Variants in MARCHF1 observed in about 807,000 individuals in gnomAD.
MARCHF1 encodes membrane associated ring-CH-type finger 1.
In MARCHF1, 40 loss-of-function variants were observed where a neutral mutation model predicts 54.2. That is an observed-to-expected ratio of 0.74 (90% CI 0.57 to 0.96). MARCHF1 has a LOEUF of 0.96. MARCHF1 is among the 40% of genes least tolerant of loss of function. The pLI is 0.00. For missense variants in MARCHF1, 586 were observed against 656.5 expected (o/e 0.89, Z 1.17); for synonymous variants, 236 against 236.3 (o/e 1.00, Z 0.01).
chr4:164,159,848 C>T (rs1730183296), intron 1 of MARCHF1, among the ~76,000 whole-genome samples: 1 of 152,116 alleles, frequency 6.6e-6, no homozygotes, highest in South Asian at 2.1e-4. Context: ...CTGCCTGACT[C>T]CAGTAAATGG....
intron 3 of MARCHF1, among the ~76,000 whole-genome samples, chr4:163,859,638 G>A (rs1406604712): frequency 2.0e-5 from 3 of 152,136 alleles, no homozygotes; most frequent in African/African-American, 7.2e-5. Context: ...TGGGATTATA[G>A]GCATAAGCCA....
chr4:163,877,382 AG>A (rs1489375474), intron 3 of MARCHF1, among the ~76,000 whole-genome samples: 1 of 151,638 alleles, frequency 6.6e-6, no homozygotes, highest in African/African-American at 2.4e-5. Context: ...TTAACTGAAG[AG>A]CTCTGAAAAA....
intron 2 of MARCHF1, among the ~76,000 whole-genome samples, chr4:164,025,427 CAAG>C (rs372567421): frequency 9.1e-4 from 138 of 152,098 alleles, no homozygotes; most frequent in African/African-American, 3.0e-3. Flanking sequence ...AAATTACTAT[CAAG>C]AAGGTCTCCC....
At chr4:164,049,083 T>C (rs1230777056) in intron 2 of MARCHF1, among the ~76,000 whole-genome samples, 1 of 152,212 alleles carries the variant, frequency 6.6e-6, no homozygotes, top group African/African-American at 2.4e-5. Context: ...AGATACTACC[T>C]GAGAATGTGC....
chr4:163,899,291 G>C (rs1352040343), intron 3 of MARCHF1, among the ~76,000 whole-genome samples: 1 of 151,960 alleles, frequency 6.6e-6, no homozygotes, highest in Non-Finnish European at 1.5e-5. Flanking sequence ...TCATTAAAAC[G>C]TCTTTTTCCA....
intron 4 of MARCHF1, among the ~76,000 whole-genome samples, chr4:163,805,121 GTTTGGAAA>G (rs1277873793): frequency 6.6e-6 from 1 of 152,032 alleles, no homozygotes; most frequent in Non-Finnish European, 1.5e-5. Flanking sequence ...AGAGTCAAGT[GTTTGGAAA>G]ACTATAAGCT....
At chr4:164,255,854 A>G (rs944131679) in intron 1 of MARCHF1, among the ~76,000 whole-genome samples, 1 of 152,168 alleles carries the variant, frequency 6.6e-6, no homozygotes, top group African/African-American at 2.4e-5. Context: ...CCAAATACCT[A>G]AAAAATGAGA....
chr4:163,829,970 T>C (rs1208763352), intron 4 of MARCHF1, among the ~76,000 whole-genome samples: 1 of 152,166 alleles, frequency 6.6e-6, no homozygotes. Context: ...GCCAGTCCAG[T>C]TTTTGGTTTA....
At chr4:163,827,276 G>C (rs1204002360) in intron 4 of MARCHF1, among the ~76,000 whole-genome samples, 1 of 151,858 alleles carries the variant, frequency 6.6e-6, no homozygotes, top group African/African-American at 2.4e-5. Flanking sequence ...CCAACATATT[G>C]ACTTTTTCTC....
intron 8 of MARCHF1, among the ~76,000 whole-genome samples, chr4:163,558,612 C>T (rs540596987): frequency 2.0e-5 from 3 of 152,286 alleles, no homozygotes; most frequent in Admixed American, 6.5e-5. Context: ...AGAAACAGGA[C>T]GATGAGCTGC....
intron 1 of MARCHF1, among the ~76,000 whole-genome samples, chr4:164,143,043 G>A (rs1283153670): frequency 2.0e-5 from 3 of 147,910 alleles, no homozygotes; most frequent in Non-Finnish European, 3.0e-5. Context: ...CTCAGGAGCT[G>A]ATGCGATCAA....
At chr4:164,159,168 T>A (rs1345733091) in intron 1 of MARCHF1, among the ~76,000 whole-genome samples, 1 of 152,164 alleles carries the variant, frequency 6.6e-6, no homozygotes, top group Non-Finnish European at 1.5e-5. Context: ...GTAATTAATG[T>A]TTTAAGGCTA....
At chr4:164,206,257 C>T (rs1354781463) in intron 1 of MARCHF1, among the ~76,000 whole-genome samples, 3 of 151,920 alleles carry the variant, frequency 2.0e-5, no homozygotes, top group African/African-American at 2.4e-5. Context: ...GCCAACATGG[C>T]GAAATCCCGT....
chr4:163,825,698 C>T (rs2201372), intron 4 of MARCHF1, among the ~76,000 whole-genome samples: 120,482 of 151,912 alleles, frequency 0.79, 48,734 homozygotes, highest in South Asian at 0.91. Context: ...TGATTAGTGA[C>T]GTTAAGCATT....
intron 1 of MARCHF1, among the ~76,000 whole-genome samples, chr4:164,209,483 A>C (rs1228277146): frequency 6.6e-6 from 1 of 152,160 alleles, no homozygotes; most frequent in Non-Finnish European, 1.5e-5. Flanking sequence ...GAGGAGATGG[A>C]TTGATTAGAA....
intron 3 of MARCHF1, among the ~76,000 whole-genome samples, chr4:163,916,804 G>A (rs1751317962): frequency 6.6e-6 from 1 of 152,180 alleles, no homozygotes; most frequent in South Asian, 2.1e-4. Flanking sequence ...CCTCACACAA[G>A]AGTGCTACAT....
chr4:164,271,280 C>T, intron 1 of MARCHF1, among the ~76,000 whole-genome samples: 1 of 152,096 alleles, frequency 6.6e-6, no homozygotes, highest in Non-Finnish European at 1.5e-5. Context: ...CCTGGGTTAT[C>T]CAGATGGGCC....
intron 3 of MARCHF1, among the ~76,000 whole-genome samples, chr4:163,939,357 A>G (rs4473619): frequency 0.11 from 16,468 of 152,174 alleles, 944 homozygotes; most frequent in Non-Finnish European, 0.12. Context: ...TTGATACTGG[A>G]TAAGATCTCT....
chr4:164,058,389 A>G (rs1754541047), intron 2 of MARCHF1, among the ~76,000 whole-genome samples: 2 of 152,164 alleles, frequency 1.3e-5, no homozygotes, highest in Admixed American at 1.3e-4. Flanking sequence ...TGAAAAGTTA[A>G]TTATTCAATA....
Sources: gnomAD v4.1 joint callset for allele counts (sites outside exome capture counted in the v4.1 genomes callset) on GRCh38, gnomAD v4.1.1 for gene constraint, MANE v1.5 for transcripts, NCBI Gene and HGNC (gene_info 2026-07-23, HGNC 2026-07-21) for gene names.